L3MBTL4: variants seen among roughly 807,000 people sequenced by gnomAD.
L3MBTL4 encodes the protein L3MBTL histone methyl-lysine binding protein 4, also known as lethal(3)malignant brain tumor-like protein 4.
L3MBTL4 carries 70 observed loss-of-function variants against 84.5 expected under a neutral mutation model. The ratio of observed to expected loss-of-function variants is 0.83; its 90% CI spans 0.68 to 1.01. L3MBTL4 has a LOEUF of 1.01. Ranked by LOEUF, L3MBTL4 falls within the 50% of genes least tolerant of loss-of-function variation. The pLI, the probability that L3MBTL4 is intolerant of heterozygous loss-of-function variation, is 0.00. For synonymous variants in L3MBTL4, 274 were observed against 259.8 expected, an observed-to-expected ratio of 1.05 and a Z score of -0.52; for missense variants, 715 against 754.8, an observed-to-expected ratio of 0.95 and a Z score of 0.62.
intron 11 of L3MBTL4, among the ~76,000 whole-genome samples, chr18:6,213,780 G>GA (rs1451243167): frequency 1.3e-5 from 2 of 152,190 alleles, no homozygotes; most frequent in Non-Finnish European, 2.9e-5. Context: ...AAACCTGTGA[G>GA]AGAAAAAATA....
At chr18:6,149,482 T>C (rs1024989106) in intron 13 of L3MBTL4, among the ~76,000 whole-genome samples, 7 of 151,874 alleles carry the variant, frequency 4.6e-5, no homozygotes, top group African/African-American at 1.7e-4. Flanking sequence ...AAGTCTTTGC[T>C]ATTGTGAATA....
At chr18:6,239,205 G>C (rs2047347057) in intron 9 of L3MBTL4, among the ~76,000 whole-genome samples, 2 of 151,208 alleles carry the variant, frequency 1.3e-5, no homozygotes, top group African/African-American at 4.9e-5. Context: ...GCCGGGCGTA[G>C]TGGCGGGCGC....
intron 13 of L3MBTL4, among the ~76,000 whole-genome samples, chr18:6,160,802 T>G (rs2043306222): frequency 6.7e-6 from 1 of 149,080 alleles, no homozygotes; most frequent in African/African-American, 2.5e-5. Flanking sequence ...TCTTCCTAAC[T>G]CCAGAGTCTA....
At position 5,971,480 on chromosome 18, in the gene L3MBTL4, A is replaced by G. The variant is rs2052640316; in HGVS notation, c.1445-1918T>C. On this transcript the variant is annotated intron_variant, in intron 16 of 18. Coordinates refer to ENST00000317931, the MANE Select transcript of L3MBTL4 (RefSeq NM_001330559.2). ...TGTATCTCAAACTCATGCCCTGGGTAAATTAATCATGCATAGTTTCCAAAA... is the reference window on the plus strand; with the variant it reads ...TGTATCTCAAACTCATGCCCTGGGTGAATTAATCATGCATAGTTTCCAAAA... Among the ~76,000 whole-genome samples, 2 of 152,250 alleles carry G rather than the reference A, an allele frequency of 1.3e-5. 1 individual carries two copies. The highest frequency in any genetic ancestry group is 4.1e-4 in the South Asian group (2 of 4,834).
intron 1 of L3MBTL4, among the ~76,000 whole-genome samples, chr18:6,322,812 G>C (rs1305152258): frequency 6.6e-6 from 1 of 152,112 alleles, no homozygotes; most frequent in African/African-American, 2.4e-5. Context: ...GAAAGAATAA[G>C]ATCTAGTATT....
intron 16 of L3MBTL4, among the ~76,000 whole-genome samples, chr18:6,078,105 C>A (rs2057924122): frequency 6.8e-6 from 1 of 147,484 alleles, no homozygotes; most frequent in African/African-American, 2.5e-5. Flanking sequence ...CAAATCTATG[C>A]CCAGACCAAA....
intron 4 of L3MBTL4, among the ~76,000 whole-genome samples, chr18:6,297,621 C>A (rs762312659): frequency 2.0e-5 from 3 of 152,116 alleles, no homozygotes; most frequent in African/African-American, 7.2e-5. Flanking sequence ...GTTTTTAGTT[C>A]AGGAGTTTCT....
At chr18:5,999,480 C>T (rs1403996735) in intron 16 of L3MBTL4, among the ~76,000 whole-genome samples, 3 of 152,144 alleles carry the variant, frequency 2.0e-5, no homozygotes, top group Non-Finnish European at 4.4e-5. Context: ...GTGTGCTGTG[C>T]TTCATAAAAA....
chr18:6,005,892 A>C (rs2145326613), intron 16 of L3MBTL4, among the ~76,000 whole-genome samples: 1 of 152,278 alleles, frequency 6.6e-6, no homozygotes, highest in East Asian at 1.9e-4. Context: ...ATTATGTTTT[A>C]AGCTCTTTCA....
At chr18:6,161,937 A>G (rs1317726794) in intron 13 of L3MBTL4, among the ~76,000 whole-genome samples, 1 of 150,272 alleles carries the variant, frequency 6.7e-6, no homozygotes, top group Non-Finnish European at 1.5e-5. Context: ...TATAAAATAT[A>G]TATATATATC....
chr18:6,012,250 G>C (rs1270917016), intron 16 of L3MBTL4, among the ~76,000 whole-genome samples: 1 of 152,122 alleles, frequency 6.6e-6, no homozygotes, highest in African/African-American at 2.4e-5. Context: ...TATCCTAAGA[G>C]CTGTCAGGGA....
intron 12 of L3MBTL4, among the ~76,000 whole-genome samples, chr18:6,205,717 C>T (rs1022741721): frequency 2.0e-5 from 3 of 152,170 alleles, no homozygotes; most frequent in Non-Finnish European, 2.9e-5. Context: ...AGAATGTGGT[C>T]ACCATCTTGC....
intron 9 of L3MBTL4, among the ~76,000 whole-genome samples, chr18:6,238,789 A>C (rs1349218909): frequency 6.6e-6 from 1 of 152,146 alleles, no homozygotes; most frequent in Non-Finnish European, 1.5e-5. Flanking sequence ...AGTTCAAAGG[A>C]GAAGACAGGG....
At chr18:6,265,013 C>A (rs80133499) in intron 4 of L3MBTL4, among the ~76,000 whole-genome samples, 8,763 of 152,146 alleles carry the variant, frequency 0.058, 340 homozygotes, top group Non-Finnish European at 0.084. Context: ...GCTTTGTAGA[C>A]AACTGTCTAA....
intron 4 of L3MBTL4, among the ~76,000 whole-genome samples, chr18:6,272,378 CCTTCA>C (rs1269406182): frequency 1.3e-5 from 2 of 149,602 alleles, no homozygotes; most frequent in East Asian, 4.0e-4. Context: ...CACAGCGACG[CCTTCA>C]GGAGCACGGG....
intron 13 of L3MBTL4, among the ~76,000 whole-genome samples, chr18:6,169,587 C>A (rs972976221): frequency 1.3e-5 from 2 of 149,842 alleles, no homozygotes; most frequent in Admixed American, 6.8e-5. Flanking sequence ...GGACAAAAAA[C>A]CAAACACCGC....
intron 5 of L3MBTL4, among the ~76,000 whole-genome samples, chr18:6,254,207 A>G (rs886125646): frequency 6.6e-6 from 1 of 152,146 alleles, no homozygotes; most frequent in Admixed American, 6.6e-5. Context: ...AGATATTCAA[A>G]GAGGTCTAAG....
At chr18:6,137,132 A>G (rs1413474574) in intron 14 of L3MBTL4, among the ~76,000 whole-genome samples, 5 of 152,228 alleles carry the variant, frequency 3.3e-5, no homozygotes, top group African/African-American at 1.2e-4. Context: ...GAGTTACTGC[A>G]GACTCCTTAC....
chr18:6,038,600 A>C (rs545089737), intron 16 of L3MBTL4, among the ~76,000 whole-genome samples: 3 of 152,202 alleles, frequency 2.0e-5, no homozygotes, highest in African/African-American at 7.2e-5. Flanking sequence ...ATCCTAGTAA[A>C]AGACAGCAAC....
Sources: gnomAD v4.1 joint callset for allele counts (sites outside exome capture counted in the v4.1 genomes callset) on GRCh38, gnomAD v4.1.1 for gene constraint, MANE v1.5 for transcripts, NCBI Gene and HGNC (gene_info 2026-07-23, HGNC 2026-07-21) for gene names.